PCSK5: variants seen among roughly 807,000 people sequenced by gnomAD.
PCSK5 encodes proprotein convertase subtilisin/kexin type 5, also known as prohormone convertase 5.
A neutral mutation model predicts 233.2 loss-of-function variants in PCSK5; 129 were observed. The ratio of observed to expected loss-of-function variants is 0.55; its 90% CI spans 0.48 to 0.64. The LOEUF (loss-of-function observed/expected upper bound fraction) is 0.64. PCSK5 is among the 30% of genes least tolerant of loss of function. PCSK5 has a pLI of 0.00. For synonymous variants in PCSK5, 825 were observed against 879.2 expected, an observed-to-expected ratio of 0.94 and a Z score of 1.09; for missense variants, 2,076 against 2,430.1, an observed-to-expected ratio of 0.85 and a Z score of 3.06.
intron 9 of PCSK5, among the ~76,000 whole-genome samples, chr9:76,123,158 TAA>T (rs1207529497): frequency 6.6e-6 from 1 of 152,186 alleles, no homozygotes; most frequent in East Asian, 1.9e-4. Flanking sequence ...TTTATTTTCT[TAA>T]AGTCTTTGAT....
At chr9:76,290,807 T>C (rs2260535) in intron 24 of PCSK5, among the ~76,000 whole-genome samples, 39,792 of 152,106 alleles carry the variant, frequency 0.26, 5,445 homozygotes, top group African/African-American at 0.33. Flanking sequence ...ACACAATACA[T>C]ACAAATAGAT....
intron 24 of PCSK5, among the ~76,000 whole-genome samples, chr9:76,250,076 G>T (rs1229352700): frequency 6.6e-6 from 1 of 152,140 alleles, no homozygotes; most frequent in African/African-American, 2.4e-5. Context: ...GGAGGCTGAG[G>T]CAGGCAGATC....
chr9:76,304,516 A>T (rs771352101), intron 28 of PCSK5, among the ~76,000 whole-genome samples: 1 of 152,192 alleles, frequency 6.6e-6, no homozygotes, highest in African/African-American at 2.4e-5. Flanking sequence ...AGCTGAAGGA[A>T]CTACAATTTA....
chr9:76,203,871 A>T (rs565918565), intron 20 of PCSK5, among the ~76,000 whole-genome samples: 15 of 152,178 alleles, frequency 9.9e-5, no homozygotes, highest in Non-Finnish European at 2.2e-4. Context: ...ATCTGAAGGG[A>T]GGCTGCCTGG....
At chr9:76,121,448 A>C (rs17062041) in intron 9 of PCSK5, among the ~76,000 whole-genome samples, 16,372 of 152,130 alleles carry the variant, frequency 0.11, 1,004 homozygotes, top group Middle Eastern at 0.18. Flanking sequence ...TGTGTGTTCT[A>C]TGCTATTATT....
chr9:76,260,779 T>C (rs575617089), intron 24 of PCSK5, among the ~76,000 whole-genome samples: 1 of 152,338 alleles, frequency 6.6e-6, no homozygotes, highest in Non-Finnish European at 1.5e-5. Flanking sequence ...TAAATTTTTA[T>C]GTTTTAAGCT....
intron 2 of PCSK5, among the ~76,000 whole-genome samples, chr9:75,954,903 A>G (rs191110032): frequency 5.6e-4 from 86 of 152,306 alleles, no homozygotes; most frequent in Non-Finnish European, 9.4e-4. Flanking sequence ...CTGAAATGCT[A>G]TCTATTTGTA....
chr9:76,193,982 A>G (rs1437046168), intron 20 of PCSK5: 1 of 152,284 alleles, frequency 6.6e-6, no homozygotes, highest in Non-Finnish European at 1.5e-5. Context: ...TGGTTTTTGC[A>G]TTTTACTCAC....
chr9:76,198,488 G>C (rs1824785238), intron 20 of PCSK5, among the ~76,000 whole-genome samples: 1 of 152,144 alleles, frequency 6.6e-6, no homozygotes, highest in Non-Finnish European at 1.5e-5. Flanking sequence ...TGATGCAAGA[G>C]GCACAGCTAG....
chr9:76,241,670 T>C (rs962299033), intron 24 of PCSK5, among the ~76,000 whole-genome samples: 5 of 152,188 alleles, frequency 3.3e-5, no homozygotes, highest in Non-Finnish European at 7.4e-5. Context: ...CATGGCACCA[T>C]TGCATTGGCG....
At chr9:76,254,075 G>A (rs1826900739) in intron 24 of PCSK5, among the ~76,000 whole-genome samples, 1 of 152,194 alleles carries the variant, frequency 6.6e-6, no homozygotes, top group Non-Finnish European at 1.5e-5. Flanking sequence ...TGCCATGGCA[G>A]ACACAAAGCA....
At chr9:76,342,796 A>G (rs1243258156) in intron 35 of PCSK5, among the ~76,000 whole-genome samples, 2 of 152,142 alleles carry the variant, frequency 1.3e-5, no homozygotes, top group East Asian at 3.9e-4. Flanking sequence ...TGTGCTCCCT[A>G]TTGGGATAAA....
chr9:75,917,175 A>G (rs1447481235), intron 1 of PCSK5, among the ~76,000 whole-genome samples: 1 of 151,824 alleles, frequency 6.6e-6, no homozygotes, highest in Non-Finnish European at 1.5e-5. Context: ...TCTCAGAAAA[A>G]AAAAAAAAAA....
chr9:76,036,269 A>G (rs1261926871), intron 5 of PCSK5, among the ~76,000 whole-genome samples: 1 of 152,216 alleles, frequency 6.6e-6, no homozygotes, highest in African/African-American at 2.4e-5. Flanking sequence ...TTTAATACCA[A>G]TGATAGGTAT....
chr9:76,266,786 C>T (rs1587819039), intron 24 of PCSK5, among the ~76,000 whole-genome samples: 1 of 152,180 alleles, frequency 6.6e-6, no homozygotes, highest in Non-Finnish European at 1.5e-5. Flanking sequence ...CAGCCAGTTG[C>T]TTCTCTGGAA....
intron 20 of PCSK5, chr9:76,194,239 C>CATT (rs1824575836): frequency 6.6e-6 from 1 of 152,120 alleles, no homozygotes; most frequent in Non-Finnish European, 1.5e-5. Flanking sequence ...CCATTACCCC[C>CATT]ATTTTTTTTT....
At chr9:76,001,489 T>TTTG (rs774193432) in intron 3 of PCSK5, among the ~76,000 whole-genome samples, 3 of 143,096 alleles carry the variant, frequency 2.1e-5, no homozygotes, top group African/African-American at 5.0e-5. Context: ...TTTTTTTTTT[T>TTTG]GCCAACATAG....
intron 1 of PCSK5, among the ~76,000 whole-genome samples, chr9:75,929,227 A>G (rs888816721): frequency 3.9e-5 from 6 of 152,080 alleles, no homozygotes; most frequent in Middle Eastern, 3.2e-3. Context: ...GCCGCCGTGC[A>G]CAGCTGGATT....
rs1440805412 is a variant in PCSK5 at position 76,361,212 on chromosome 9, G to A, written c.*2290G>A. The A allele has an allele frequency of 6.6e-6, 1 of 152,092 alleles. No homozygotes were observed. The allele number at this position is 152,092 out of a possible 1,614,324, so 9.4% of individuals were successfully genotyped here. ...ATACAATAAAAATCTGGGCATGTTG[G>A]TGCACACCTGTAATCCCAGCTACTC... On this transcript the variant is annotated 3_prime_UTR_variant, in exon 38 of 38. Coordinates refer to ENST00000674117, the MANE Select transcript of PCSK5 (RefSeq NM_001372043.1).
Sources: allele counts gnomAD v4.1 joint callset (sites outside exome capture counted in the v4.1 genomes callset), GRCh38; gene constraint gnomAD v4.1.1; transcripts MANE v1.5; gene names NCBI Gene and HGNC (gene_info 2026-07-23, HGNC 2026-07-21).